Variants in DOCK4 observed in about 807,000 individuals in gnomAD.
DOCK4 encodes dedicator of cytokinesis 4.
A neutral mutation model predicts 268.1 loss-of-function variants in DOCK4; 97 were observed. That is an observed-to-expected ratio of 0.36 (90% confidence interval 0.31 to 0.43). The LOEUF is 0.43. DOCK4 is among the 20% of genes least tolerant of loss of function. The pLI is 1.00. For missense variants in DOCK4, 2,145 were observed against 2,455.7 expected (o/e 0.87, Z 2.67); for synonymous variants, 954 against 887.2 (o/e 1.08, Z -1.34).
chr7:111,923,191 T>C (rs941660528), intron 12 of DOCK4, among the ~76,000 whole-genome samples: 7 of 152,280 alleles, frequency 4.6e-5, no homozygotes, highest in African/African-American at 1.7e-4. Flanking sequence ...TAATTTAAAG[T>C]ATATGAGGGG....
At chr7:111,940,305 C>G (rs1586441979) in intron 10 of DOCK4, 63 bp from the exon 11 acceptor site, 1 of 1,602,526 alleles carries the variant, frequency 6.2e-7, no homozygotes. Flanking sequence ...TCTTAGGTAG[C>G]GAAACATACA....
chr7:111,760,393 G>T, intron 39 of DOCK4, 71 bp from the exon 40 acceptor site: 1 of 1,494,068 alleles, frequency 6.7e-7, no homozygotes, highest in Non-Finnish European at 9.1e-7. Flanking sequence ...CAAAAAACAT[G>T]ACACTGGCAG....
chr7:111,755,752 G>C (rs1796976605), intron 41 of DOCK4, among the ~76,000 whole-genome samples, 151 bp from the exon 42 acceptor site: 2 of 152,198 alleles, frequency 1.3e-5, no homozygotes, highest in Non-Finnish European at 2.9e-5. Context: ...AACTATCACA[G>C]TGAGAGATTG....
intron 1 of DOCK4, among the ~76,000 whole-genome samples, chr7:112,093,695 T>C (rs1306513256): frequency 6.6e-6 from 1 of 152,064 alleles, no homozygotes; most frequent in African/African-American, 2.4e-5. Flanking sequence ...CGAAAACTAC[T>C]GCAAAAAAAT....
intron 1 of DOCK4, among the ~76,000 whole-genome samples, chr7:112,132,139 G>C (rs550806052): frequency 6.6e-5 from 10 of 152,172 alleles, no homozygotes; most frequent in African/African-American, 2.4e-4. Context: ...TGCCACAAAG[G>C]TTACTTCTCA....
intron 1 of DOCK4, among the ~76,000 whole-genome samples, chr7:112,052,396 G>C (rs1805444977): frequency 6.6e-6 from 1 of 152,062 alleles, no homozygotes; most frequent in African/African-American, 2.4e-5. Context: ...ATAGATATAA[G>C]TAATGTTGCA....
chr7:111,954,884 A>G (rs1027484025), intron 8 of DOCK4, among the ~76,000 whole-genome samples: 2 of 152,026 alleles, frequency 1.3e-5, no homozygotes. Flanking sequence ...GATTGTGTAC[A>G]ATATTCTCCT....
intron 6 of DOCK4, among the ~76,000 whole-genome samples, chr7:111,987,766 C>G (rs1240825282): frequency 6.6e-6 from 1 of 152,224 alleles, no homozygotes; most frequent in Non-Finnish European, 1.5e-5. Flanking sequence ...TGCTTCAGGT[C>G]CTAAGAAAGC....
chr7:112,058,889 A>C (rs192597591), intron 1 of DOCK4, among the ~76,000 whole-genome samples: 83 of 150,500 alleles, frequency 5.5e-4, no homozygotes, highest in African/African-American at 1.9e-3. Flanking sequence ...AGGCAGAAAG[A>C]AGAAGGAAAA....
intron 27 of DOCK4, among the ~76,000 whole-genome samples, chr7:111,816,048 G>A (rs992364706): frequency 6.6e-5 from 10 of 152,126 alleles, no homozygotes; most frequent in Admixed American, 1.3e-4. Context: ...AAAAACTGGT[G>A]TACATGAAAT....
chr7:112,091,785 C>T (rs899103333), intron 1 of DOCK4, among the ~76,000 whole-genome samples: 3 of 152,236 alleles, frequency 2.0e-5, no homozygotes, highest in Non-Finnish European at 2.9e-5. Context: ...TTGAAATGAA[C>T]GAGAATCCAC....
At chr7:111,884,651 T>C (rs1319511406) in intron 16 of DOCK4, among the ~76,000 whole-genome samples, 3 of 152,150 alleles carry the variant, frequency 2.0e-5, no homozygotes, top group East Asian at 1.9e-4. Context: ...ACGAATCTTA[T>C]AATGAAATGG....
intron 12 of DOCK4, among the ~76,000 whole-genome samples, chr7:111,933,327 T>C (rs1182258364): frequency 7.0e-6 from 1 of 143,014 alleles, no homozygotes; most frequent in African/African-American, 2.6e-5. Context: ...ATGGAGTCTC[T>C]CTCTGTCGCC....
At chr7:111,896,919 T>A (rs527468377) in intron 15 of DOCK4, among the ~76,000 whole-genome samples, 1 of 152,046 alleles carries the variant, frequency 6.6e-6, no homozygotes, top group Admixed American at 6.6e-5. Context: ...ACTGGAAAAA[T>A]AATTCATGTT....
At chr7:111,908,042 T>C (rs1353310104) in intron 13 of DOCK4, among the ~76,000 whole-genome samples, 1 of 152,150 alleles carries the variant, frequency 6.6e-6, no homozygotes, top group African/African-American at 2.4e-5. Flanking sequence ...TTAGGATATA[T>C]TTTTAAGGAA....
intron 1 of DOCK4, among the ~76,000 whole-genome samples, chr7:112,094,877 T>C (rs545634310): frequency 1.3e-5 from 2 of 152,172 alleles, no homozygotes; most frequent in Non-Finnish European, 2.9e-5. Context: ...CACCATGCGA[T>C]GTGCTTGCTC....
At chr7:112,134,062 A>C (rs1414177719) in intron 1 of DOCK4, among the ~76,000 whole-genome samples, 3 of 152,238 alleles carry the variant, frequency 2.0e-5, no homozygotes, top group Non-Finnish European at 4.4e-5. Context: ...TCAATTTGAC[A>C]TTTAGAAAAA....
chr7:111,956,478 T>C (rs1796458597), intron 8 of DOCK4, among the ~76,000 whole-genome samples: 1 of 152,186 alleles, frequency 6.6e-6, no homozygotes. Context: ...GACCCCCAAT[T>C]CACTCTGCCA....
At chr7:112,179,560 A>T (rs934636027) in intron 1 of DOCK4, among the ~76,000 whole-genome samples, 13 of 151,994 alleles carry the variant, frequency 8.6e-5, no homozygotes, top group Non-Finnish European at 7.4e-5. Flanking sequence ...ATGCACACAA[A>T]AACCCAGAAG....
Sources: gnomAD v4.1 joint callset for allele counts (sites outside exome capture counted in the v4.1 genomes callset) on GRCh38, gnomAD v4.1.1 for gene constraint, MANE v1.5 for transcripts, NCBI Gene and HGNC (gene_info 2026-07-23, HGNC 2026-07-21) for gene names.